The following CHD1 variants were observed in gnomAD, a reference collection of about 807,000 sequenced individuals.
The protein encoded by CHD1 is ATP-dependent chromatin remodeler CHD1.
A neutral mutation model predicts 224.2 loss-of-function variants in CHD1; 36 were observed. The observed-to-expected ratio is 0.16, with a 90% CI of 0.12 to 0.21. The LOEUF is 0.21. Ranked by LOEUF, CHD1 falls within the 10% of genes least tolerant of loss-of-function variation. The probability of loss-of-function intolerance (pLI) is 1.00; values close to 1 mark genes in which losing one functional copy is unlikely to be tolerated. For synonymous variants in CHD1, 668 were observed against 658.3 expected (o/e 1.01, Z -0.23); for missense variants, 1,378 against 1,994.8 (o/e 0.69, Z 5.89).
chr5:98,886,517 G>A (rs1430055999), intron 17 of CHD1, among the ~76,000 whole-genome samples: 1 of 152,112 alleles, frequency 6.6e-6, no homozygotes, highest in Admixed American at 6.5e-5. Flanking sequence ...ACTGGTTATA[G>A]ACTAGAAATA....
intron 19 of CHD1, 58 bp from the exon 20 acceptor site, chr5:98,882,181 T>G: frequency 6.8e-7 from 1 of 1,460,256 alleles, no homozygotes; most frequent in Non-Finnish European, 9.4e-7. Context: ...TTTGCTAACC[T>G]CAAGTGCCTA....
intron 31 of CHD1, among the ~76,000 whole-genome samples, chr5:98,865,425 G>A (rs1047021478): frequency 6.6e-6 from 1 of 152,180 alleles, no homozygotes; most frequent in East Asian, 1.9e-4. Flanking sequence ...TGATTACTCT[G>A]GTTGCTATGT....
Position 98,872,297 on chromosome 5 carries a change from A to C in CHD1, c.3711-96T>G. 3 of 1,457,078 alleles carry C rather than the reference A, an allele frequency of 2.1e-6. No homozygotes were observed. In the Admixed American group the frequency reaches 6.4e-5, roughly 31 times the overall value. The allele number at this position is 1,457,078 out of a possible 1,614,324, so 90.3% of individuals were successfully genotyped here. On this transcript the variant is annotated intron_variant, in intron 27 of 35. Coordinates refer to ENST00000614616, the MANE Select transcript of CHD1 (RefSeq NM_001270.4). ...TGAGTCATTAGAACTTCAAAATAAT[A>C]TGCTTTATTTCTTCCTTTTTTTTTT...
Position 98,888,649 on chromosome 5 carries a change from C to T in CHD1, c.2344-409G>A, listed in dbSNP as rs541503047. 3.3e-5 allele frequency among the ~76,000 whole-genome samples: 5 copies of T among 152,342 alleles called. No individual in the cohort carries two copies. In the East Asian group the frequency reaches 7.7e-4, roughly 23 times the overall value. On this transcript the variant is annotated intron_variant, in intron 16 of 35. Transcript: ENST00000614616. The stretch of plus-strand genomic sequence containing the variant: ...ATGCTGATCCTAGCCCTTCAATGCA[C>T]TACAGTGGCTGGATTGCAGCTGTGC...
At chr5:98,895,091 G>A (rs756287972) in intron 12 of CHD1, among the ~76,000 whole-genome samples, 8 of 152,122 alleles carry the variant, frequency 5.3e-5, no homozygotes, top group Non-Finnish European at 8.8e-5. Flanking sequence ...AAAGCGCTGG[G>A]ATTACAGGCA....
Position 98,863,496 on chromosome 5 carries a change from T to TATG in CHD1, c.4336_4338dup (p.His1446dup), listed in dbSNP as rs1748632747. ...CCAATTTTTATTAAACATTGTCTAG[T>TATG]ATGCTCTAGTTGTTCTCTTTCTGAA... On this transcript the variant is annotated inframe_insertion, in exon 32 of 36. Coordinates refer to ENST00000614616, the MANE Select transcript of CHD1 (RefSeq NM_001270.4). The TATG allele has an allele frequency of 6.2e-7, 1 of 1,609,584 alleles. No homozygotes were observed.
Position 98,926,424 on chromosome 5 carries a change from A to T in CHD1, c.-38T>A. ...TCAAGAAGTTTTAAAGTAAAATATA[A>T]ATCTTCCCAGTTTAAAAGATGAATA... is the stretch of plus-strand genomic sequence containing the variant. On this transcript the variant is annotated 5_prime_UTR_variant, in exon 2 of 36. Coordinates refer to ENST00000614616, the MANE Select transcript of CHD1 (RefSeq NM_001270.4). 8.7e-7 allele frequency: 1 copy of T among 1,143,128 alleles called. No individual in the cohort carries two copies. The highest frequency in any genetic ancestry group is 1.6e-5 in the South Asian group (1 of 64,500). The allele number at this position is 1,143,128 out of a possible 1,614,324, so 70.8% of individuals were successfully genotyped here.
intron 13 of CHD1, among the ~76,000 whole-genome samples, chr5:98,894,290 C>T (rs945082066): frequency 2.6e-5 from 4 of 152,198 alleles, no homozygotes; most frequent in Non-Finnish European, 4.4e-5. Flanking sequence ...AATCAATACA[C>T]ACTATAACAA....
chr5:98,858,533 T>G (rs1748218545), intron 34 of CHD1, 143 bp from the exon 35 acceptor site: 2 of 649,340 alleles, frequency 3.1e-6, no homozygotes, highest in South Asian at 3.8e-5. Context: ...CATTTAGAAA[T>G]GGTGTATAAA....
At chr5:98,892,395 T>C (rs2112471438) in intron 15 of CHD1, 130 bp downstream of exon 15, 1 of 574,926 alleles carries the variant, frequency 1.7e-6, no homozygotes, top group Non-Finnish European at 2.9e-6. Context: ...AATAAACTTA[T>C]TCTGAAACTC....
chr5:98,898,613 GATT>G (rs1182269352), intron 9 of CHD1, 48 bp downstream of exon 9: 1 of 1,317,600 alleles, frequency 7.6e-7, no homozygotes, highest in East Asian at 2.3e-5. Flanking sequence ...ACTTTTTTCA[GATT>G]ATTTCAAGCA....
At chr5:98,906,746 G>A (rs1285258819) in intron 2 of CHD1, among the ~76,000 whole-genome samples, 2 of 152,174 alleles carry the variant, frequency 1.3e-5, no homozygotes, top group Non-Finnish European at 2.9e-5. Flanking sequence ...CTTCAGCAAA[G>A]AAATAAAAGA....
intron 8 of CHD1, 58 bp downstream of exon 8, chr5:98,899,422 T>C (rs1055454170): frequency 1.0e-5 from 11 of 1,071,784 alleles, no homozygotes; most frequent in Admixed American, 1.9e-5. Context: ...TTTATTAACA[T>C]AAAGGTTTAG....
chr5:98,927,552 A>T (rs1753555148), intron 1 of CHD1, among the ~76,000 whole-genome samples: 1 of 152,334 alleles, frequency 6.6e-6, no homozygotes, highest in South Asian at 2.1e-4. Flanking sequence ...AATTCTCTAG[A>T]CTACTGTCCA....
At chr5:98,901,377 T>TATAA (rs1751700991) in intron 5 of CHD1, 42 bp from the exon 6 acceptor site, 3 of 1,525,082 alleles carry the variant, frequency 2.0e-6, no homozygotes, top group African/African-American at 1.4e-5. Flanking sequence ...TGTACTTATA[T>TATAA]GGCAAGTTTT....
chr5:98,911,147 ATATATAT>A (rs1322026845), intron 2 of CHD1, among the ~76,000 whole-genome samples: 13 of 47,758 alleles, frequency 2.7e-4, no homozygotes, highest in African/African-American at 1.4e-3. Context: ...AAAAAAAAAA[ATATATAT>A]ATATATATAT....
intron 2 of CHD1, among the ~76,000 whole-genome samples, chr5:98,918,037 C>G (rs1002810427): frequency 1.1e-4 from 16 of 151,406 alleles, no homozygotes; most frequent in Non-Finnish European, 1.5e-5. Context: ...CCTTCCTTCA[C>G]CTGGAACTAA....
intron 2 of CHD1, among the ~76,000 whole-genome samples, chr5:98,905,398 T>A (rs1414844096): frequency 1.3e-5 from 2 of 152,100 alleles, no homozygotes; most frequent in Non-Finnish European, 2.9e-5. Flanking sequence ...ATATGCAAAA[T>A]CTACTAAGTA....
intron 2 of CHD1, among the ~76,000 whole-genome samples, chr5:98,913,116 C>T (rs975013622): frequency 3.9e-5 from 6 of 152,178 alleles, no homozygotes; most frequent in African/African-American, 7.2e-5. Context: ...GTACTAAATT[C>T]TCATCCTATG....
Sources: gnomAD v4.1 joint callset for allele counts (sites outside exome capture counted in the v4.1 genomes callset) on GRCh38, gnomAD v4.1.1 for gene constraint, MANE v1.5 for transcripts, NCBI Gene and HGNC (gene_info 2026-07-23, HGNC 2026-07-21) for gene names.